SHISA9: variants seen among roughly 807,000 people sequenced by gnomAD.
SHISA9 encodes protein shisa-9.
In SHISA9, 13 loss-of-function variants were observed where a neutral mutation model predicts 38.0. The observed-to-expected ratio is 0.34, with a 90% CI of 0.22 to 0.54. The LOEUF is 0.54. Among genes scored for constraint, SHISA9 ranks in the 20% least tolerant of loss-of-function variants. The pLI, the probability that SHISA9 is intolerant of heterozygous loss-of-function variation, is 0.91. For synonymous variants in SHISA9, 275 were observed against 242.0 expected (o/e 1.14, Z -1.27); for missense variants, 538 against 575.8 (o/e 0.93, Z 0.67).
intron 2 of SHISA9, among the ~76,000 whole-genome samples, chr16:13,175,703 G>T (rs976833434): frequency 1.3e-5 from 2 of 152,224 alleles, no homozygotes; most frequent in Non-Finnish European, 2.9e-5. Flanking sequence ...CACATTGGGT[G>T]GGATGAATCC....
the SHISA9 span, among the ~76,000 whole-genome samples, chr16:13,554,709 C>G: frequency 2.0e-5 from 3 of 152,266 alleles, no homozygotes; most frequent in African/African-American, 7.2e-5. Context: ...TCAGGCTGGT[C>G]TCGAACTCCT....
the SHISA9 span, among the ~76,000 whole-genome samples, chr16:13,364,849 C>A: frequency 6.6e-6 from 1 of 152,122 alleles, no homozygotes; most frequent in Non-Finnish European, 1.5e-5. Context: ...TGGTAACATC[C>A]AGGCTAGGGG....
chr16:13,001,009 A>G (rs950228947), intron 2 of SHISA9, among the ~76,000 whole-genome samples: 21 of 151,792 alleles, frequency 1.4e-4, no homozygotes, highest in African/African-American at 5.1e-4. Context: ...CTCACTGCCA[A>G]CTCCGCGTCC....
the SHISA9 span, among the ~76,000 whole-genome samples, chr16:13,284,616 AAGAC>A: frequency 1.3e-5 from 2 of 152,042 alleles, no homozygotes; most frequent in Non-Finnish European, 2.9e-5. Flanking sequence ...TATTTACTGT[AAGAC>A]AGAGTCTTGC....
chr16:13,241,867 T>C (rs1269006594), downstream of SHISA9, among the ~76,000 whole-genome samples: 3 of 152,144 alleles, frequency 2.0e-5, no homozygotes, highest in Non-Finnish European at 4.4e-5. Context: ...CAGGATGCTC[T>C]TTCAGCACTT....
At chr16:12,983,478 G>C (rs2072266685) in intron 2 of SHISA9, among the ~76,000 whole-genome samples, 1 of 152,170 alleles carries the variant, frequency 6.6e-6, no homozygotes, top group Admixed American at 6.5e-5. Flanking sequence ...TGTGGAGTCA[G>C]AGAGCAGAGA....
the SHISA9 span, among the ~76,000 whole-genome samples, chr16:13,556,325 G>C: frequency 2.0e-5 from 3 of 152,262 alleles, no homozygotes; most frequent in East Asian, 5.8e-4. Flanking sequence ...GCCAGGATTC[G>C]TTGGAATTTG....
chr16:13,277,269 T>C, the SHISA9 span, among the ~76,000 whole-genome samples: 10 of 152,256 alleles, frequency 6.6e-5, no homozygotes, highest in African/African-American at 2.4e-4. Flanking sequence ...GTTCCATTGG[T>C]CTATGTGCAT....
chr16:13,221,107 T>G (rs1454099610), intron 4 of SHISA9, among the ~76,000 whole-genome samples: 1 of 152,130 alleles, frequency 6.6e-6, no homozygotes, highest in Non-Finnish European at 1.5e-5. Flanking sequence ...GCCAGGCTCC[T>G]GGACGCCTTT....
chr16:13,552,204 G>T, the SHISA9 span, among the ~76,000 whole-genome samples: 1 of 152,168 alleles, frequency 6.6e-6, no homozygotes, highest in South Asian at 2.1e-4. Flanking sequence ...GAAACCAAGA[G>T]CGAGGAGCTC....
chr16:13,462,244 C>T, the SHISA9 span, among the ~76,000 whole-genome samples: 1 of 144,272 alleles, frequency 6.9e-6, no homozygotes, highest in African/African-American at 2.5e-5. Context: ...CTACCTCTAC[C>T]AAAAAAAAAA....
At chr16:13,126,709 G>A (rs1386587357) in intron 2 of SHISA9, among the ~76,000 whole-genome samples, 3 of 148,784 alleles carry the variant, frequency 2.0e-5, no homozygotes, top group African/African-American at 7.5e-5. Context: ...GTGGGAGGGA[G>A]AGAGAGACTG....
chr16:13,543,087 A>G, the SHISA9 span, among the ~76,000 whole-genome samples: 1 of 152,168 alleles, frequency 6.6e-6, no homozygotes, highest in African/African-American at 2.4e-5. Flanking sequence ...GAGCACCTAC[A>G]TTCTGCCAGG....
intron 4 of SHISA9, among the ~76,000 whole-genome samples, chr16:13,232,128 C>T (rs1007295417): frequency 1.3e-4 from 20 of 152,192 alleles, no homozygotes; most frequent in African/African-American, 4.8e-4. Flanking sequence ...GGGAGGCAGG[C>T]ATTCTTTAAC....
chr16:13,322,878 A>G, the SHISA9 span, among the ~76,000 whole-genome samples: 28 of 152,316 alleles, frequency 1.8e-4, no homozygotes, highest in East Asian at 3.9e-3. Flanking sequence ...TGTGGGAGAT[A>G]CTACCACCCA....
chr16:13,424,417 G>A, the SHISA9 span, among the ~76,000 whole-genome samples: 2 of 152,190 alleles, frequency 1.3e-5, no homozygotes, highest in African/African-American at 4.8e-5. Flanking sequence ...TGTCTCTTCT[G>A]CTCCAAACCC....
the SHISA9 span, among the ~76,000 whole-genome samples, chr16:13,330,766 T>A: frequency 2.7e-3 from 417 of 152,284 alleles, 3 homozygotes; most frequent in African/African-American, 9.7e-3. Context: ...GCCAAACTCC[T>A]CTGAAGGGCC....
chr16:13,348,371 G>T, the SHISA9 span, among the ~76,000 whole-genome samples: 1 of 152,096 alleles, frequency 6.6e-6, no homozygotes, highest in East Asian at 2.0e-4. Context: ...GGATTTTTTT[G>T]ATTACAGAGG....
the SHISA9 span, among the ~76,000 whole-genome samples, chr16:13,481,827 C>T: frequency 1.3e-5 from 2 of 152,162 alleles, no homozygotes; most frequent in Non-Finnish European, 2.9e-5. Flanking sequence ...CCCCAAATTT[C>T]TATGAAATTG....
Sources: gnomAD v4.1 joint callset for allele counts (sites outside exome capture counted in the v4.1 genomes callset) on GRCh38, gnomAD v4.1.1 for gene constraint, MANE v1.5 for transcripts, NCBI Gene and HGNC (gene_info 2026-07-23, HGNC 2026-07-21) for gene names.